Variants in DST observed in about 807,000 individuals in gnomAD.
DST encodes bullous pemphigoid antigen.
In DST, 253 loss-of-function variants were observed where a neutral mutation model predicts 875.2. The ratio of observed to expected loss-of-function variants is 0.29; its 90% CI spans 0.26 to 0.32. The LOEUF is 0.32. DST is among the 10% of genes least tolerant of loss of function. DST has a pLI of 1.00. For missense variants in DST, 8,287 were observed against 9,111.6 expected, an observed-to-expected ratio of 0.91 and a Z score of 3.68; for synonymous variants, 3,124 against 3,197.1, an observed-to-expected ratio of 0.98 and a Z score of 0.77.
At chr6:56,620,537 T>C in intron 36 of DST, 1 of 1,614,058 alleles carries the variant, frequency 6.2e-7, no homozygotes, top group Non-Finnish European at 8.5e-7. Context: ...TTCTGCAGCC[T>C]CCCTGACCTT....
intron 88 of DST, among the ~76,000 whole-genome samples, 198 bp from the exon 89 acceptor site, chr6:56,483,075 G>C (rs186612755): frequency 6.6e-6 from 1 of 152,116 alleles, no homozygotes; most frequent in Non-Finnish European, 1.5e-5. Context: ...GAAGAGTCTT[G>C]TATAAATTTG....
rs549911539 is a variant in DST, at chr6:56,480,525, T to C, written c.21531+1525A>G. Among the ~76,000 whole-genome samples, 10 of 152,336 alleles carry C rather than the reference T, an allele frequency of 6.6e-5. No homozygotes were observed. The South Asian group carries it at 2.1e-3, about 32-fold the overall frequency. The stretch of plus-strand genomic sequence containing the variant: ...GCTTGCCATTTTTAGAAACTGGATA[T>C]GCTAAGAAGTCTCCAGTTCTGGTGT... On this transcript the variant is annotated intron_variant, in intron 90 of 103. Coordinates refer to ENST00000680361, the MANE Select transcript of DST (RefSeq NM_001374736.1).
At position 56,631,994 on chromosome 6, in the gene DST, T is replaced by G; in HGVS notation, c.3852A>C (p.Arg1284=). The change falls in exon 29 of 104, where the codon CGA becomes CGC. Residue 1284 remains arginine (R), a synonymous_variant. Coordinates refer to ENST00000680361, the MANE Select transcript of DST (RefSeq NM_001374736.1). ...SVYNLYISEV[R]NIRLRLENCE... is the part of the protein sequence containing the mutation. ...AGTTCTCTAACCGAAGTCTAATGTTTCGAACTTCAGAGATGTAGAGATTAT... is the reference window on the plus strand; with the variant it reads ...AGTTCTCTAACCGAAGTCTAATGTTGCGAACTTCAGAGATGTAGAGATTAT... The G allele has an allele frequency of 2.5e-6, 4 of 1,613,750 alleles. No homozygotes were observed. Among genetic ancestry groups the G allele is most frequent in the Non-Finnish European group, 3.4e-6 (4 of 1,179,650 alleles).
At chr6:56,508,089 T>G (rs773969329) in intron 75 of DST, among the ~76,000 whole-genome samples, 20 of 152,164 alleles carry the variant, frequency 1.3e-4, no homozygotes, top group Non-Finnish European at 2.9e-5. Context: ...GGTTAGAGTA[T>G]AGTGGCACGA....
chr6:56,913,093 T>C (rs935288067), intron 2 of DST, among the ~76,000 whole-genome samples: 5 of 152,198 alleles, frequency 3.3e-5, no homozygotes, highest in African/African-American at 1.2e-4. Context: ...ACACATCTTA[T>C]TACATAGCCA....
chr6:56,628,306 A>C (rs2152753717), intron 32 of DST, 145 bp from the exon 33 acceptor site: 1 of 684,636 alleles, frequency 1.5e-6, no homozygotes, highest in Non-Finnish European at 2.6e-6. Context: ...AGGCTGCAGC[A>C]CCCTGAGGCA....
At chr6:56,917,233 T>C (rs919716633) in intron 2 of DST, among the ~76,000 whole-genome samples, 2 of 152,192 alleles carry the variant, frequency 1.3e-5, no homozygotes, top group Admixed American at 6.5e-5. Context: ...AAAATCTGCT[T>C]ACTCTGAAGA....
At chr6:56,938,336 C>G (rs1000488304) in intron 2 of DST, among the ~76,000 whole-genome samples, 11 of 151,912 alleles carry the variant, frequency 7.2e-5, no homozygotes, top group Non-Finnish European at 1.0e-4. Context: ...GTTGCCCAGA[C>G]TGGTCTTGAA....
chr6:56,676,292 TC>T (rs771151326), intron 9 of DST, among the ~76,000 whole-genome samples: 1 of 152,210 alleles, frequency 6.6e-6, no homozygotes, highest in Non-Finnish European at 1.5e-5. Context: ...GGTCTTGAAC[TC>T]CTGACCTCAG....
intron 84 of DST, 61 bp downstream of exon 84, chr6:56,492,873 A>C: frequency 3.6e-6 from 4 of 1,119,174 alleles, no homozygotes; most frequent in Non-Finnish European, 4.7e-6. Flanking sequence ...TCAGTCTCAA[A>C]AAAAAAAAAA....
At chr6:56,703,826 C>A (rs2099321350) in intron 6 of DST, 80 bp from the exon 7 acceptor site, 3 of 318,240 alleles carry the variant, frequency 9.4e-6, no homozygotes, top group Non-Finnish European at 1.3e-5. Context: ...ATGAACAGAA[C>A]ATAATGAAGG....
chr6:56,621,723 C>A (rs941742152), intron 36 of DST, among the ~76,000 whole-genome samples: 6 of 152,068 alleles, frequency 3.9e-5, no homozygotes, highest in Admixed American at 1.3e-4. Context: ...AATTTAATTT[C>A]TCTTTATTAA....
intron 10 of DST, among the ~76,000 whole-genome samples, chr6:56,664,277 A>C (rs77252074): frequency 0.016 from 2,443 of 152,314 alleles, 57 homozygotes; most frequent in African/African-American, 0.055. Flanking sequence ...GCTTTCATTA[A>C]TGTTCTAAGG....
intron 10 of DST, among the ~76,000 whole-genome samples, chr6:56,667,976 G>C (rs748538013): frequency 6.6e-6 from 1 of 151,700 alleles, no homozygotes; most frequent in Non-Finnish European, 1.5e-5. Context: ...ATATTGTCTA[G>C]GTTGGTCTCA....
At chr6:56,620,453 T>A in intron 36 of DST, 1 of 1,614,218 alleles carries the variant, frequency 6.2e-7, no homozygotes, top group Non-Finnish European at 8.5e-7. Context: ...GCGGTACTGC[T>A]TGGCTTCACT....
intron 2 of DST, among the ~76,000 whole-genome samples, chr6:56,944,264 T>A (rs1353341216): frequency 3.3e-5 from 5 of 152,208 alleles, no homozygotes; most frequent in Admixed American, 3.3e-4. Context: ...AAATATTCAT[T>A]CATTCATCCA....
chr6:56,777,413 C>A (rs2099681320), intron 4 of DST, among the ~76,000 whole-genome samples: 2 of 152,004 alleles, frequency 1.3e-5, no homozygotes, highest in South Asian at 4.1e-4. Flanking sequence ...AACACTAAGT[C>A]CCATAATTGA....
At chr6:56,485,169 G>T (rs1394590853) in intron 88 of DST, 143 bp downstream of exon 88, 2 of 865,272 alleles carry the variant, frequency 2.3e-6, no homozygotes, top group Non-Finnish European at 1.8e-6. Flanking sequence ...CTGCTCAAAC[G>T]GACACATATT....
rs542825843 is a variant in DST, at chr6:56,580,062, A to G, written c.12904-1125T>C. On this transcript the variant is annotated intron_variant, in intron 49 of 103. Transcript: ENST00000680361. Reference sequence around the variant, plus strand: ...ATTAGTTAGAGTTGGGAAGAGTCCAAAGGACTTGGTAACACTATGCAAAGC... The same window carrying G: ...ATTAGTTAGAGTTGGGAAGAGTCCAGAGGACTTGGTAACACTATGCAAAGC... Among the ~76,000 whole-genome samples, 4 of 152,318 alleles carry G rather than the reference A, an allele frequency of 2.6e-5. No individual in the cohort carries two copies. The East Asian group carries it at 7.7e-4, about 29-fold the overall frequency.
Sources: allele counts gnomAD v4.1 joint callset (sites outside exome capture counted in the v4.1 genomes callset), GRCh38; gene constraint gnomAD v4.1.1; transcripts MANE v1.5; gene names NCBI Gene and HGNC (gene_info 2026-07-23, HGNC 2026-07-21).